The following ACP5 variants were observed in gnomAD, a reference collection of about 807,000 sequenced individuals.
ACP5 encodes the protein tartrate-resistant acid phosphatase type 5.
A neutral mutation model predicts 28.7 loss-of-function variants in ACP5; 24 were observed. The ratio of observed to expected loss-of-function variants is 0.84; its 90% CI spans 0.61 to 1.18. ACP5 has a LOEUF of 1.18. Ranked by LOEUF, ACP5 falls within the 50% of genes most tolerant of loss-of-function variation. The probability of loss-of-function intolerance (pLI) is 0.00; values close to 1 mark genes in which losing one functional copy is unlikely to be tolerated. For synonymous variants in ACP5, 154 were observed against 181.4 expected (o/e 0.85, Z 1.21); for missense variants, 354 against 422.2 (o/e 0.84, Z 1.42).
chr19:11,577,776 T>G, upstream of ACP5: 39 of 226,944 alleles, frequency 1.7e-4, no homozygotes, highest in South Asian at 6.7e-4. The surrounding 1 kb of genome is among the most constrained non-coding windows in gnomAD (Gnocchi z 5.7). Context: ...TGGACTTCCC[T>G]GGAGCAGGAC....
At chr19:11,575,377 A>C in intron 4 of ACP5, 125 bp from the exon 5 acceptor site, 5 of 1,178,134 alleles carry the variant, frequency 4.2e-6, no homozygotes, top group Non-Finnish European at 6.2e-6. Flanking sequence ...CCTGGCTTCA[A>C]TTTCCTGACT....
In ACP5 at chr19:11,577,020, C is replaced by T. The variant is rs563079303; in HGVS notation, c.261+37G>A. ...GGTAAGGCGGCTTCTCCCCACTGCC[C>T]GCCCCCACCTCCTGCCCCACTCTGT... On this transcript the variant is annotated intron_variant, in intron 2 of 4. Transcript: ENST00000648477. The surrounding 1 kb of genome is among the most constrained non-coding windows in gnomAD (Gnocchi z 5.7). 29 of 1,613,616 alleles carry T rather than the reference C, an allele frequency of 1.8e-5. No homozygotes were observed. Among genetic ancestry groups the T allele is most frequent in the South Asian group, 5.5e-5 (5 of 91,034 alleles).
Position 11,577,257 on chromosome 19 carries a change from C to T in ACP5, c.61G>A (p.Gly21Ser), listed in dbSNP as rs757630659. 6.2e-7 allele frequency: 1 copy of T among 1,614,170 alleles called. No homozygotes were observed. The highest frequency in any genetic ancestry group is 1.7e-5 in the Admixed American group (1 of 60,006). The change falls in exon 2 of 5, where the codon GGT becomes AGT. Residue 21 changes from glycine to serine, a missense_variant. Physicochemically the swap from Gly to Ser is moderately conservative, Grantham distance 56. Coordinates refer to ENST00000648477, the MANE Select transcript of ACP5 (RefSeq NM_001611.5). The surrounding 1 kb of genome is among the most constrained non-coding windows in gnomAD (Gnocchi z 5.7). ...QALLLPSLAD[G>S]ATPALRFVAV... is the part of the protein sequence containing the mutation. ...ACAAAGCGCAGGGCAGGGGTGGCACCATCAGCCAGGGAGGGTAGCAACAAG... is the reference window on the plus strand; with the variant it reads ...ACAAAGCGCAGGGCAGGGGTGGCACTATCAGCCAGGGAGGGTAGCAACAAG...
rs532362974 is a variant in ACP5 at position 11,576,123 on chromosome 19, T to C, written c.735+120A>G. The C allele has an allele frequency of 4.5e-5, 36 of 792,690 alleles. No homozygotes were observed. In the South Asian group the frequency reaches 5.3e-4, roughly 12 times the overall value. 49.1% of individuals were successfully genotyped at this position (792,690 alleles called of 1,614,324 possible). ...TTAGACAGCAAGATTTGAGGGACAGTCTAGACATTCTGAAGGCCACAGGAG... is the reference window on the plus strand; with the variant it reads ...TTAGACAGCAAGATTTGAGGGACAGCCTAGACATTCTGAAGGCCACAGGAG... On this transcript the variant is annotated intron_variant, in intron 4 of 4. Transcript: ENST00000648477.
rs373030121 is a variant in ACP5, at chr19:11,576,285, G to A, written c.693C>T (p.Tyr231=). The A allele has an allele frequency of 7.1e-4, 1,144 of 1,610,394 alleles. 18 individuals carry two copies. The South Asian group carries it at 0.012, about 17-fold the overall frequency. Residue 231 remains tyrosine (Y), a synonymous_variant, in exon 4 of 5, where the codon TAC becomes TAT. Transcript: ENST00000648477. The part of the protein sequence containing the change: ...VKQLRPLLAT[Y]GVTAYLCGHD... ...GGCCGCACAGGTAGGCAGTGACCCC[G>A]TATGTGGCCAGCAGTGGCCGTAGCT...
chr19:11,574,945 G>A lies in ACP5; in HGVS notation c.*65C>T, dbSNP rs1383493479. The A allele has an allele frequency of 6.9e-6, 11 of 1,600,456 alleles. No homozygotes were observed. The East Asian group carries it at 2.5e-4, about 36-fold the overall frequency. On this transcript the variant is annotated 3_prime_UTR_variant, in exon 5 of 5. Coordinates refer to ENST00000648477, the MANE Select transcript of ACP5 (RefSeq NM_001611.5). ...GAGGAAAAGCCTGCCTGTGAGCAGG[G>A]TCCCGGCAGGGCCCACCCACCCAAC...
chr19:11,575,373 T>G lies in ACP5; in HGVS notation c.736-121A>C, dbSNP rs1973095056. 5.0e-6 allele frequency: 6 copies of G among 1,208,978 alleles called. No homozygotes were observed. The South Asian group carries it at 7.7e-5, about 16-fold the overall frequency. The allele number at this position is 1,208,978 out of a possible 1,614,324, so 74.9% of individuals were successfully genotyped here. ...CTTGAGGTATGTAACCCCTCCTGGCTTCAATTTCCTGACTTTTAGGAGTGT... is the reference window on the plus strand; with the variant it reads ...CTTGAGGTATGTAACCCCTCCTGGCGTCAATTTCCTGACTTTTAGGAGTGT... On this transcript the variant is annotated intron_variant, in intron 4 of 4. Coordinates refer to ENST00000648477, the MANE Select transcript of ACP5 (RefSeq NM_001611.5).
intron 4 of ACP5, 28 bp downstream of exon 4, chr19:11,576,215 G>A: frequency 6.3e-7 from 1 of 1,593,980 alleles, no homozygotes; most frequent in Non-Finnish European, 8.5e-7. Context: ...CCCTCACCCA[G>A]CTCCCACCCC....
chr19:11,574,688 A>G lies in ACP5; in HGVS notation c.*322T>C. 1 of 424,256 alleles carries G rather than the reference A, an allele frequency of 2.4e-6. No individual in the cohort carries two copies. 26.3% of individuals were successfully genotyped at this position (424,256 alleles called of 1,614,324 possible). A position where few individuals can be genotyped will look rare whatever the true frequency, so the allele number is the denominator to read the frequency against. On this transcript the variant is annotated 3_prime_UTR_variant, in exon 5 of 5. Transcript: ENST00000648477. ...AGCCTTGGCAACTATTCTTTTATTGAACATCAGTAACAGAAAGATGCTTGA... is the reference window on the plus strand; with the variant it reads ...AGCCTTGGCAACTATTCTTTTATTGGACATCAGTAACAGAAAGATGCTTGA...
chr19:11,575,383 T>TTTAATA (rs1973095580), intron 4 of ACP5, 131 bp from the exon 5 acceptor site: 52 of 1,131,682 alleles, frequency 4.6e-5, no homozygotes, highest in Non-Finnish European at 6.8e-5. Context: ...TTCAATTTCC[T>TTTAATA]GACTTTTAGG....
rs1973186413 is a variant in ACP5, at chr19:11,576,953, C to T, written c.261+104G>A. ...TGAATGCTCCCGGCGCCCAAAGGTGCCCCATCACCTTCCCTCTGCCCTCAC... is the reference window on the plus strand; with the variant it reads ...TGAATGCTCCCGGCGCCCAAAGGTGTCCCATCACCTTCCCTCTGCCCTCAC... On this transcript the variant is annotated intron_variant, in intron 2 of 4. Coordinates refer to ENST00000648477, the MANE Select transcript of ACP5 (RefSeq NM_001611.5). The T allele has an allele frequency of 4.4e-6, 7 of 1,603,586 alleles. No individual in the cohort carries two copies. In the Admixed American group the frequency reaches 5.0e-5, roughly 11 times the overall value.
At position 11,577,187 on chromosome 19, in the gene ACP5, G is replaced by A. The variant is rs369804864; in HGVS notation, c.131C>T (p.Thr44Met). Residue 44 changes from threonine (T) to methionine (M), a missense_variant, in exon 2 of 5, where the codon ACG (threonine) becomes ATG (methionine). Transcript: ENST00000648477. This position sits in a 1 kb window ranked among gnomAD's most constrained non-coding sequence, Gnocchi z 5.7. ...CTTGGCATTGGCCATTTCCCGGGCC[G>A]TGTGGAATGGGGCATTGGGGACCCC... The part of the protein sequence containing the change: ...WGGVPNAPFH[T>M]AREMANAKEI... 4.3e-5 allele frequency: 69 copies of A among 1,614,210 alleles called. No individual in the cohort carries two copies. The highest frequency in any genetic ancestry group is 1.6e-4 in the Middle Eastern group (1 of 6,062).
rs563929774 is a variant in ACP5, at chr19:11,577,069, G to C, written c.249C>G (p.Asp83Glu). 33 of 1,614,114 alleles carry C rather than the reference G, an allele frequency of 2.0e-5. No individual in the cohort carries two copies. Among genetic ancestry groups the C allele is most frequent in the Non-Finnish European group, 2.8e-5 (33 of 1,180,012 alleles). The stretch of plus-strand genomic sequence containing the variant: ...GTTGGGCACAGACCTGGAACCTCTT[G>C]TCATTGATGTCTTGCACACCAGTGA... ...FYFTGVQDIN[D>E]KRFQETFEDV... Residue 83 changes from aspartate (D) to glutamate (E), a missense_variant, in exon 2 of 5, where the codon GAC becomes GAG. By Grantham distance (45) the Asp-to-Glu change is conservative (BLOSUM62 2). Coordinates refer to ENST00000648477, the MANE Select transcript of ACP5 (RefSeq NM_001611.5). This position sits in a 1 kb window ranked among gnomAD's most constrained non-coding sequence, Gnocchi z 5.7.
upstream of ACP5, chr19:11,578,571 G>T: frequency 6.5e-6 from 1 of 152,760 alleles, no homozygotes; most frequent in Non-Finnish European, 1.5e-5. Context: ...CGGCCGGTCT[G>T]ACCTGCTCCT....
Position 11,577,172 on chromosome 19 carries a change from G to A in ACP5, c.146C>T (p.Ala49Val). The change falls in exon 2 of 5, where the codon GCC becomes GTC. Residue 49 changes from alanine (A) to valine (V), a missense_variant. By Grantham distance (64) the Ala-to-Val change is moderately conservative (BLOSUM62 0). Transcript: ENST00000648477. The surrounding 1 kb of genome is among the most constrained non-coding windows in gnomAD (Gnocchi z 5.7). ...AGTCCGAGCGATCTCCTTGGCATTG[G>A]CCATTTCCCGGGCCGTGTGGAATGG... ...NAPFHTAREMANAKEIARTVQ... is the reference protein window; with the variant it reads ...NAPFHTAREMVNAKEIARTVQ... 1 of 1,614,160 alleles carries A rather than the reference G, an allele frequency of 6.2e-7. No homozygotes were observed. Among genetic ancestry groups the A allele is most frequent in the Non-Finnish European group, 8.5e-7 (1 of 1,180,014 alleles).
chr19:11,577,166 G>C lies in ACP5; in HGVS notation c.152C>G (p.Ala51Gly). 6.2e-7 allele frequency: 1 copy of C among 1,614,190 alleles called. No individual in the cohort carries two copies. The highest frequency in any genetic ancestry group is 1.3e-5 in the African/African-American group (1 of 75,064). Residue 51 changes from alanine to glycine, a missense_variant, in exon 2 of 5, where the codon GCC becomes GGC. Coordinates refer to ENST00000648477, the MANE Select transcript of ACP5 (RefSeq NM_001611.5). The surrounding 1 kb of genome is among the most constrained non-coding windows in gnomAD (Gnocchi z 5.7). ...CTGCACAGTCCGAGCGATCTCCTTG[G>C]CATTGGCCATTTCCCGGGCCGTGTG... ...PFHTAREMAN[A>G]KEIARTVQIL...
rs2145095053 is a variant in ACP5, at chr19:11,577,597, G to T, written c.-5C>A. The stretch of plus-strand genomic sequence containing the variant: ...CCTAGCCTGCCCAGCACTCACCCAG[G>T]GGGAGACACAGGCCAGTCACCGGAG... On this transcript the variant is annotated 5_prime_UTR_variant, in exon 1 of 5. Coordinates refer to ENST00000648477, the MANE Select transcript of ACP5 (RefSeq NM_001611.5). This position sits in a 1 kb window ranked among gnomAD's most constrained non-coding sequence, Gnocchi z 5.7. The T allele has an allele frequency of 1.8e-6, 1 of 546,424 alleles. No homozygotes were observed. Among genetic ancestry groups the T allele is most frequent in the Non-Finnish European group, 3.3e-6 (1 of 302,490 alleles). 33.8% of individuals were successfully genotyped at this position (546,424 alleles called of 1,614,324 possible).
Position 11,575,228 on chromosome 19 carries a change from C to T in ACP5, c.760G>A (p.Gly254Ser), listed in dbSNP as rs1568428025. The change falls in exon 5 of 5, where the codon GGC (glycine) becomes AGC (serine). Residue 254 changes from glycine (G) to serine (S), a missense_variant. Gly to Ser is a moderately conservative substitution (Grantham distance 56, BLOSUM62 0). Transcript: ENST00000648477. ...TTCCCAGCCCCACTCAGCACGTAGCCCACGCCATTCTCATCTTGCAGGTAC... is the reference window on the plus strand; with the variant it reads ...TTCCCAGCCCCACTCAGCACGTAGCTCACGCCATTCTCATCTTGCAGGTAC... The part of the protein sequence containing the change: ...LQYLQDENGV[G>S]YVLSGAGNFM... 1 of 1,613,776 alleles carries T rather than the reference C, an allele frequency of 6.2e-7. No homozygotes were observed. Among genetic ancestry groups the T allele is most frequent in the Non-Finnish European group, 8.5e-7 (1 of 1,180,028 alleles).
In ACP5 at chr19:11,577,032, C is replaced by T; in HGVS notation, c.261+25G>A. 6.2e-7 allele frequency: 1 copy of T among 1,613,920 alleles called. No individual in the cohort carries two copies. Among genetic ancestry groups the T allele is most frequent in the Non-Finnish European group, 8.5e-7 (1 of 1,179,842 alleles). ...TCTCCCCACTGCCCGCCCCCACCTCCTGCCCCACTCTGTTGGGCACAGACC... is the reference window on the plus strand; with the variant it reads ...TCTCCCCACTGCCCGCCCCCACCTCTTGCCCCACTCTGTTGGGCACAGACC... On this transcript the variant is annotated intron_variant, in intron 2 of 4. Transcript: ENST00000648477. The surrounding 1 kb of genome is among the most constrained non-coding windows in gnomAD (Gnocchi z 5.7).
Sources: gnomAD v4.1 joint callset for allele counts on GRCh38, gnomAD v4.1.1 for gene constraint, Gnocchi (gnomAD v3.1) non-coding constraint, MANE v1.5 for transcripts, NCBI Gene and HGNC (gene_info 2026-07-23, HGNC 2026-07-21) for gene names.